The following NEK1 variants were observed in gnomAD, a reference collection of about 807,000 sequenced individuals.
NEK1 encodes the protein NIMA related kinase 1, also known as serine/threonine-protein kinase Nek1.
A neutral mutation model predicts 182.1 loss-of-function variants in NEK1; 137 were observed. The observed-to-expected ratio is 0.75, with a 90% CI of 0.65 to 0.87. NEK1 has a LOEUF of 0.87. Among genes scored for constraint, NEK1 ranks in the 40% least tolerant of loss-of-function variants. NEK1 has a pLI of 0.00. For synonymous variants in NEK1, 513 were observed against 492.2 expected (o/e 1.04, Z -0.56); for missense variants, 1,391 against 1,494.4 (o/e 0.93, Z 1.14).
intron 23 of NEK1, among the ~76,000 whole-genome samples, chr4:169,495,866 G>C (rs1461024728): frequency 6.6e-6 from 1 of 152,160 alleles, no homozygotes; most frequent in Non-Finnish European, 1.5e-5. Context: ...TTTTGGCTTA[G>C]GATTGACTTG....
At chr4:169,502,931 A>C (rs1752647653) in intron 23 of NEK1, among the ~76,000 whole-genome samples, 1 of 152,150 alleles carries the variant, frequency 6.6e-6, no homozygotes, top group Non-Finnish European at 1.5e-5. Flanking sequence ...GGAAAAGAGA[A>C]AGTCAAATTA....
chr4:169,445,148 A>T (rs1409700041), intron 27 of NEK1, among the ~76,000 whole-genome samples: 2 of 151,742 alleles, frequency 1.3e-5, no homozygotes, highest in African/African-American at 2.4e-5. Flanking sequence ...CAAAAGGGCC[A>T]GAAGCTCATG....
At chr4:169,409,719 G>A (rs1453471785) in intron 31 of NEK1, among the ~76,000 whole-genome samples, 1 of 152,014 alleles carries the variant, frequency 6.6e-6, no homozygotes, top group African/African-American at 2.4e-5. Context: ...AGTGAGCCGA[G>A]ATCACACCAC....
At chr4:169,535,400 G>A (rs973760963) in intron 19 of NEK1, among the ~76,000 whole-genome samples, 1 of 151,438 alleles carries the variant, frequency 6.6e-6, no homozygotes, top group Admixed American at 6.6e-5. Flanking sequence ...AGACACAGCA[G>A]AAGATTAATG....
intron 35 of NEK1, among the ~76,000 whole-genome samples, chr4:169,398,054 A>G (rs899269474): frequency 6.6e-6 from 1 of 152,254 alleles, no homozygotes; most frequent in Non-Finnish European, 1.5e-5. Context: ...ACAGCATGAC[A>G]TATGAGAAAC....
intron 5 of NEK1, among the ~76,000 whole-genome samples, chr4:169,592,174 A>C (rs1346274217): frequency 6.6e-6 from 1 of 152,050 alleles, no homozygotes; most frequent in African/African-American, 2.4e-5. Context: ...TTGTCAAAAT[A>C]TGTGAAAATT....
chr4:169,495,522 G>A (rs149247596), intron 23 of NEK1, among the ~76,000 whole-genome samples: 4,149 of 152,262 alleles, frequency 0.027, 79 homozygotes, highest in Non-Finnish European at 0.045. Context: ...GATTACAGGC[G>A]TGAGCCACCG....
intron 19 of NEK1, among the ~76,000 whole-genome samples, chr4:169,536,412 G>T (rs1446056909): frequency 6.6e-6 from 1 of 151,412 alleles, no homozygotes; most frequent in Non-Finnish European, 1.5e-5. Context: ...AAAAAGATAA[G>T]AATGAATGCT....
chr4:169,549,135 G>A (rs1761017687), intron 18 of NEK1, among the ~76,000 whole-genome samples: 1 of 152,224 alleles, frequency 6.6e-6, no homozygotes, highest in South Asian at 2.1e-4. Flanking sequence ...TGTGGGTTGT[G>A]AAGACCGTCG....
At chr4:169,567,488 C>G (rs966723272) in intron 12 of NEK1, among the ~76,000 whole-genome samples, 16 of 152,030 alleles carry the variant, frequency 1.1e-4, no homozygotes, top group African/African-American at 3.4e-4. Flanking sequence ...GCAACCTCCA[C>G]CTCCCAGGTT....
intron 27 of NEK1, among the ~76,000 whole-genome samples, chr4:169,462,034 C>T (rs936325510): frequency 6.6e-6 from 1 of 152,042 alleles, no homozygotes; most frequent in Non-Finnish European, 1.5e-5. Flanking sequence ...TATTACTGTA[C>T]ACCAAATTGC....
At chr4:169,496,331 C>A (rs1289229994) in intron 23 of NEK1, among the ~76,000 whole-genome samples, 1 of 151,594 alleles carries the variant, frequency 6.6e-6, no homozygotes, top group Non-Finnish European at 1.5e-5. Flanking sequence ...TCTAGATATA[C>A]AATCATGTCA....
intron 23 of NEK1, among the ~76,000 whole-genome samples, chr4:169,494,113 T>A (rs907199200): frequency 2.6e-5 from 4 of 151,984 alleles, no homozygotes; most frequent in Non-Finnish European, 5.9e-5. Context: ...TTTTTTTTTT[T>A]TATACTTTAA....
chr4:169,554,144 A>C (rs1329061147), intron 18 of NEK1: 1 of 152,316 alleles, frequency 6.6e-6, no homozygotes, highest in Non-Finnish European at 1.5e-5. Flanking sequence ...CTGGCTGGGC[A>C]TGGTGGCTCA....
At chr4:169,456,577 G>A (rs1447542352) in intron 27 of NEK1, among the ~76,000 whole-genome samples, 2 of 152,184 alleles carry the variant, frequency 1.3e-5, no homozygotes, top group Non-Finnish European at 2.9e-5. Context: ...AAGCTACTAT[G>A]AGCAGCTGTA....
intron 23 of NEK1, among the ~76,000 whole-genome samples, chr4:169,495,656 G>A (rs1003970123): frequency 2.6e-5 from 4 of 152,190 alleles, no homozygotes; most frequent in African/African-American, 9.7e-5. Context: ...TTATTAAATA[G>A]GGAATCCTTT....
intron 12 of NEK1, among the ~76,000 whole-genome samples, chr4:169,563,812 A>T (rs10026242): frequency 0.088 from 13,421 of 152,258 alleles, 767 homozygotes; most frequent in African/African-American, 0.16. Context: ...AGTTTCACCG[A>T]ATTTTCAGCA....
rs1447602830 is a variant in NEK1 at position 169,578,254 on chromosome 4, A to C, written c.869-1175T>G. 3.9e-5 allele frequency among the ~76,000 whole-genome samples: 6 copies of C among 152,318 alleles called. No homozygotes were observed. The East Asian group carries it at 7.7e-4, about 20-fold the overall frequency. ...GGAGGATATTAAAAGAAGTCAGAGT[A>C]GAGTCTACATAAACCCTTATTGAAA... On this transcript the variant is annotated intron_variant, in intron 11 of 35. Coordinates refer to ENST00000507142, the MANE Select transcript of NEK1 (RefSeq NM_001199397.3).
chr4:169,570,834 G>A (rs200942073), intron 12 of NEK1, among the ~76,000 whole-genome samples: 2 of 152,216 alleles, frequency 1.3e-5, no homozygotes, highest in Admixed American at 1.3e-4. Flanking sequence ...TCTGTACTAA[G>A]AACAAATTCT....
Sources: gnomAD v4.1 joint callset for allele counts (sites outside exome capture counted in the v4.1 genomes callset) on GRCh38, gnomAD v4.1.1 for gene constraint, MANE v1.5 for transcripts, NCBI Gene and HGNC (gene_info 2026-07-23, HGNC 2026-07-21) for gene names.